C14orf39: variants seen among roughly 807,000 people sequenced by gnomAD.
The protein encoded by C14orf39 is protein SIX6OS1.
C14orf39 carries 66 observed loss-of-function variants against 85.6 expected under a neutral mutation model. The ratio of observed to expected loss-of-function variants is 0.77; its 90% CI spans 0.63 to 0.95. The LOEUF (loss-of-function observed/expected upper bound fraction) is 0.95, where lower values mean the gene tolerates loss of function less well. Among genes scored for constraint, C14orf39 ranks in the 40% least tolerant of loss-of-function variants. The pLI, the probability that C14orf39 is intolerant of heterozygous loss-of-function variation, is 0.00. For missense variants in C14orf39, 735 were observed against 663.9 expected (o/e 1.11, Z -1.18); for synonymous variants, 242 against 214.0 (o/e 1.13, Z -1.14).
intron 16 of C14orf39, among the ~76,000 whole-genome samples, chr14:60,445,642 A>G (rs1464942201): frequency 1.3e-5 from 2 of 152,116 alleles, no homozygotes; most frequent in Non-Finnish European, 2.9e-5. Flanking sequence ...TGTCAATATT[A>G]GACAGATCAA....
chr14:60,443,381 G>C (rs1238371375), intron 16 of C14orf39, among the ~76,000 whole-genome samples: 1 of 152,236 alleles, frequency 6.6e-6, no homozygotes, highest in Non-Finnish European at 1.5e-5. Flanking sequence ...TCCCGTGCCT[G>C]GCTCGGTGAG....
rs1893293102 is a variant in C14orf39, at chr14:60,511,416, G to A, written c.-144+3979C>T. Reference sequence around the variant, plus strand: ...CCGTTTCCCGCCCCACCCCGCGGCCGGCCTGGCTTCACTGGCGCCCTTTGG... The same window carrying A: ...CCGTTTCCCGCCCCACCCCGCGGCCAGCCTGGCTTCACTGGCGCCCTTTGG... On this transcript the variant is annotated intron_variant, in intron 1 of 5. Coordinates refer to the C14orf39 transcript ENST00000556799. The A allele has an allele frequency of 1.4e-5, 12 of 846,052 alleles. No individual in the cohort carries two copies. The East Asian group carries it at 3.2e-4, about 22-fold the overall frequency. The allele number at this position is 846,052 out of a possible 1,614,324, so 52.4% of individuals were successfully genotyped here.
chr14:60,491,635 T>TA lies in C14orf39; in HGVS notation c.-8-6550dup, dbSNP rs1327390305. 2.0e-5 allele frequency among the ~76,000 whole-genome samples: 3 copies of TA among 152,186 alleles called. No homozygotes were observed. The highest frequency in any genetic ancestry group is 7.2e-5 in the African/African-American group (3 of 41,436). The stretch of plus-strand genomic sequence containing the variant: ...CATAAATCCTACCAATTTTTCCTCT[T>TA]AAATATCTTCCATCCATTTTTCTCT... On this transcript the variant is annotated intron_variant, in intron 2 of 5. Coordinates refer to the C14orf39 transcript ENST00000556799. This position sits in a 1 kb window ranked among gnomAD's most constrained non-coding sequence, Gnocchi z 4.5.
intron 5 of C14orf39, among the ~76,000 whole-genome samples, chr14:60,474,014 T>C (rs1892241698): frequency 6.6e-6 from 1 of 152,220 alleles, no homozygotes; most frequent in Non-Finnish European, 1.5e-5. Context: ...ATTTTCACGA[T>C]ATTGATTCTT....
intron 5 of C14orf39, among the ~76,000 whole-genome samples, chr14:60,475,010 A>G (rs1294969653): frequency 5.9e-5 from 9 of 152,172 alleles, no homozygotes; most frequent in Non-Finnish European, 1.2e-4. Context: ...GGTAGAATTC[A>G]GCTGTGAATC....
chr14:60,510,063 A>G, intron 1 of C14orf39: 6 of 1,139,432 alleles, frequency 5.3e-6, no homozygotes, highest in Non-Finnish European at 6.5e-6. Flanking sequence ...TGGCGACTCC[A>G]ATTCAGCAGG....
chr14:60,452,166 CA>C (rs561612954), intron 16 of C14orf39, among the ~76,000 whole-genome samples: 1,094 of 58,866 alleles, frequency 0.019, 12 homozygotes, highest in African/African-American at 0.055. Flanking sequence ...GACTCCATCT[CA>C]AAAAAAAAAA....
rs1405342782 is a variant in C14orf39 at position 60,435,992 on chromosome 14, A to G, written c.*853T>C. On this transcript the variant is annotated 3_prime_UTR_variant, in exon 18 of 18. Transcript: ENST00000321731. ...CCTTTATTACTTGGTAACTCAGTAC[A>G]GCTAATTTACAAAGCACAAAATACA... is the stretch of plus-strand genomic sequence containing the variant. The G allele has an allele frequency of 6.6e-6, 1 of 152,174 alleles. No individual in the cohort carries two copies. Among genetic ancestry groups the G allele is most frequent in the Non-Finnish European group, 1.5e-5 (1 of 68,000 alleles). 9.4% of individuals were successfully genotyped at this position (152,174 alleles called of 1,614,324 possible).
rs1414288224 is a variant in C14orf39, at chr14:60,495,968, T to C, written c.-9+3328A>G. 5 of 469,254 alleles carry C rather than the reference T, an allele frequency of 1.1e-5. No homozygotes were observed. The East Asian group carries it at 1.9e-4, about 18-fold the overall frequency. The allele number at this position is 469,254 out of a possible 1,614,324, so 29.1% of individuals were successfully genotyped here. A position where few individuals can be genotyped will look rare whatever the true frequency, so the allele number is the denominator to read the frequency against. ...GCAAGACATGACATTTGGGAGCACA[T>C]ATGTCCCACTTTAGGACGAAGGGTA... On this transcript the variant is annotated intron_variant, in intron 2 of 5. Transcript: ENST00000556799.
At chr14:60,478,460 A>G in intron 4 of C14orf39, 71 bp from the exon 5 acceptor site, 2 of 739,270 alleles carry the variant, frequency 2.7e-6, no homozygotes, top group Non-Finnish European at 4.2e-6. Flanking sequence ...AATAAAAAAA[A>G]GAACATAATT....
rs773355261 is a variant in C14orf39 at position 60,471,391 on chromosome 14, A to G, written c.554+26T>C. The G allele has an allele frequency of 8.7e-6, 13 of 1,500,142 alleles. No individual in the cohort carries two copies. In the East Asian group the frequency reaches 1.7e-4, roughly 19 times the overall value. The allele number at this position is 1,500,142 out of a possible 1,614,324, so 92.9% of individuals were successfully genotyped here. ...AAATAATGCTTATCTAATAAAAATTATAAGTACAAATACTATTGTGGATAC... is the reference window on the plus strand; with the variant it reads ...AAATAATGCTTATCTAATAAAAATTGTAAGTACAAATACTATTGTGGATAC... On this transcript the variant is annotated intron_variant, in intron 7 of 17. Transcript: ENST00000321731.
intron 5 of C14orf39, among the ~76,000 whole-genome samples, 153 bp downstream of exon 5, chr14:60,478,147 C>A (rs1425942916): frequency 8.5e-6 from 1 of 117,374 alleles, no homozygotes; most frequent in Non-Finnish European, 1.6e-5. Flanking sequence ...CCACTGCACT[C>A]CAGCCTGGGG....
chr14:60,483,330 GTAT>G (rs2140160970), intron 4 of C14orf39, among the ~76,000 whole-genome samples: 1 of 152,172 alleles, frequency 6.6e-6, no homozygotes, highest in Admixed American at 6.5e-5. Flanking sequence ...AATTCTTAAC[GTAT>G]TAAATATTTT....
chr14:60,493,357 T>C (rs991280976), intron 2 of C14orf39, among the ~76,000 whole-genome samples: 9 of 152,178 alleles, frequency 5.9e-5, no homozygotes, highest in Admixed American at 5.2e-4. Context: ...TCCCTAAATA[T>C]ATGACAGATC....
intron 16 of C14orf39, among the ~76,000 whole-genome samples, chr14:60,453,707 T>G (rs1203901923): frequency 6.6e-6 from 1 of 151,798 alleles, no homozygotes; most frequent in Non-Finnish European, 1.5e-5. Context: ...ATTTTCCTGA[T>G]AGTTCTTGAC....
At chr14:60,492,509 C>G (rs188877630) in intron 2 of C14orf39, among the ~76,000 whole-genome samples, 1 of 152,076 alleles carries the variant, frequency 6.6e-6, no homozygotes, top group East Asian at 1.9e-4. Flanking sequence ...CGCAATGGCT[C>G]ATTCCTGTAA....
At chr14:60,479,380 G>C (rs10136642) in intron 4 of C14orf39, among the ~76,000 whole-genome samples, 125,010 of 152,044 alleles carry the variant, frequency 0.82, 53,005 homozygotes, top group Non-Finnish European at 0.92. Flanking sequence ...CATAAAGATA[G>C]CAACAGTAGA....
intron 1 of C14orf39, chr14:60,509,949 G>A (rs772792063): frequency 5.6e-6 from 9 of 1,607,012 alleles, no homozygotes; most frequent in Non-Finnish European, 5.9e-6. Flanking sequence ...CAAAGGGACC[G>A]AGCGGCTGCA....
intron 2 of C14orf39, among the ~76,000 whole-genome samples, chr14:60,497,327 G>A (rs1893081828): frequency 6.6e-6 from 1 of 152,036 alleles, no homozygotes; most frequent in Non-Finnish European, 1.5e-5. Context: ...TATTATTTGT[G>A]TAATTATCGT....
Sources: allele counts gnomAD v4.1 joint callset (sites outside exome capture counted in the v4.1 genomes callset), GRCh38; gene constraint gnomAD v4.1.1; non-coding constraint Gnocchi (gnomAD v3.1); transcripts MANE v1.5; gene names NCBI Gene and HGNC (gene_info 2026-07-23, HGNC 2026-07-21).